The following CHST10 variants were observed in gnomAD, a reference collection of about 807,000 sequenced individuals.
The protein encoded by CHST10 is carbohydrate sulfotransferase 10, also known as HNK-1 sulfotransferase.
CHST10 carries 24 observed loss-of-function variants against 34.7 expected under a neutral mutation model. The ratio of observed to expected loss-of-function variants is 0.69; its 90% confidence interval spans 0.50 to 0.97. CHST10 has a LOEUF of 0.97. Among genes scored for constraint, CHST10 ranks in the 50% least tolerant of loss-of-function variants. The pLI is 0.00. For synonymous variants in CHST10, 161 were observed against 169.3 expected, an observed-to-expected ratio of 0.95 and a Z score of 0.38; for missense variants, 402 against 452.1, an observed-to-expected ratio of 0.89 and a Z score of 1.00.
chr2:100,417,287 C>G (rs1415315649), intron 1 of CHST10, 87 bp downstream of exon 1: 3 of 346,650 alleles, frequency 8.7e-6, no homozygotes, highest in Non-Finnish European at 1.1e-5. Flanking sequence ...ACAAAACCCG[C>G]GGGTTCCCCG....
intron 3 of CHST10, among the ~76,000 whole-genome samples, chr2:100,403,852 G>A (rs1236295066): frequency 1.3e-5 from 2 of 152,168 alleles, no homozygotes; most frequent in Non-Finnish European, 2.9e-5. Context: ...AGCCCTTTAT[G>A]GCCACGAGCT....
rs146315978 is a variant in CHST10 at position 100,406,319 on chromosome 2, C to T, written c.100+257G>A. ...GGAGACCCTGCTCCTTGCTCCTAGG[C>T]ACCACCCAGGCCTCAGCCACAAAGA... On this transcript the variant is annotated intron_variant, in intron 3 of 6. Coordinates refer to ENST00000264249, the MANE Select transcript of CHST10 (RefSeq NM_004854.5). Among the ~76,000 whole-genome samples, 563 of 152,318 alleles carry T rather than the reference C, an allele frequency of 3.7e-3. 3 individuals are homozygous for T. The highest frequency in any genetic ancestry group is 7.2e-3 in the South Asian group (35 of 4,828).
Position 100,393,258 on chromosome 2 carries a change from A to C in CHST10, c.1058T>G (p.Phe353Cys). The C allele has an allele frequency of 6.2e-7, 1 of 1,613,998 alleles. No homozygotes were observed. The highest frequency in any genetic ancestry group is 8.5e-7 in the Non-Finnish European group (1 of 1,179,992). ...AGGTCTTATGCATTAGTTTAGCAAA[A>C]AGTCTGGTTTCTGGTACCCAAAGAG... ...FKLFGYQKPD[F>C]LLN Residue 353 changes from phenylalanine to cysteine, a missense_variant, in exon 7 of 7, where the codon TTT becomes TGT. Phe to Cys is a radical substitution (Grantham distance 205, BLOSUM62 -2). Transcript: ENST00000264249.
intron 3 of CHST10, among the ~76,000 whole-genome samples, chr2:100,404,595 A>G (rs1328904122): frequency 6.6e-6 from 1 of 152,200 alleles, no homozygotes; most frequent in Non-Finnish European, 1.5e-5. Context: ...CTTAGCTTCC[A>G]GGATCAGTGT....
intron 5 of CHST10, 64 bp from the exon 6 acceptor site, chr2:100,395,678 G>T: frequency 7.9e-7 from 1 of 1,268,082 alleles, no homozygotes; most frequent in Non-Finnish European, 1.1e-6. Context: ...AGAAGGGCAT[G>T]TCCTTACCTC....
intron 2 of CHST10, among the ~76,000 whole-genome samples, chr2:100,412,354 A>C (rs1285482917): frequency 6.6e-6 from 1 of 152,196 alleles, no homozygotes; most frequent in Non-Finnish European, 1.5e-5. Context: ...TGCCCAGCTA[A>C]GCATGGTGTC....
rs3748930 is a variant in CHST10, at chr2:100,393,620, G to C, written c.696C>G (p.Thr232=). The part of the protein sequence containing the change: ...IRKYRRNRTE[T]RGIQFEDFVR... ...CGAAATCTTCAAACTGGATCCCCCG[G>C]GTCTCTGTCCGGTTCCTCCTGTATT... is the stretch of plus-strand genomic sequence containing the variant. The change falls in exon 7 of 7, where the codon ACC becomes ACG. Residue 232 remains threonine (T), a synonymous_variant. Coordinates refer to ENST00000264249, the MANE Select transcript of CHST10 (RefSeq NM_004854.5). The C allele has an allele frequency of 0.52, 834,076 of 1,613,724 alleles. 219,313 individuals carry two copies. The highest frequency in any genetic ancestry group is 0.79 in the East Asian group (35,424 of 44,868).
chr2:100,414,569 T>A (rs552108052), intron 2 of CHST10, among the ~76,000 whole-genome samples: 2 of 152,346 alleles, frequency 1.3e-5, no homozygotes, highest in East Asian at 3.9e-4. Context: ...GTGTGGCATA[T>A]GAATTTATAC....
At chr2:100,407,457 G>A (rs1188456551) in intron 2 of CHST10, among the ~76,000 whole-genome samples, 1 of 152,164 alleles carries the variant, frequency 6.6e-6, no homozygotes, top group Admixed American at 6.5e-5. Context: ...CTTTAACACA[G>A]TGCTTCTTCA....
chr2:100,403,962 C>T (rs2104356788), intron 3 of CHST10, among the ~76,000 whole-genome samples: 1 of 152,334 alleles, frequency 6.6e-6, no homozygotes, highest in Middle Eastern at 3.4e-3. Flanking sequence ...CTACACCACC[C>T]CAGCCCAGGG....
Position 100,393,041 on chromosome 2 carries a change from G to A in CHST10, c.*204C>T. ...CCTAATGCACGCAGGGGTGTGGGCA[G>A]GGTCCTCAGAGCATCTTACATCCAA... is the stretch of plus-strand genomic sequence containing the variant. On this transcript the variant is annotated 3_prime_UTR_variant, in exon 7 of 7. Coordinates refer to ENST00000264249, the MANE Select transcript of CHST10 (RefSeq NM_004854.5). The A allele has an allele frequency of 3.3e-6, 2 of 603,686 alleles. No individual in the cohort carries two copies. Among genetic ancestry groups the A allele is most frequent in the Non-Finnish European group, 5.8e-6 (2 of 342,426 alleles). 37.4% of individuals were successfully genotyped at this position (603,686 alleles called of 1,614,324 possible).
rs150069978 is a variant in CHST10 at position 100,406,648 on chromosome 2, C to T, written c.28G>A (p.Ala10Thr). Residue 10 changes from alanine to threonine, a missense_variant, in exon 3 of 7, where the codon GCA (alanine) becomes ACA (threonine). Transcript: ENST00000264249. ...AACATGAAAATCACCCAAAAGCATGCGGCCAGCAGAAGCCACTGGTGGTGC... is the reference window on the plus strand; with the variant it reads ...AACATGAAAATCACCCAAAAGCATGTGGCCAGCAGAAGCCACTGGTGGTGC... The part of the protein sequence containing the change: MHHQWLLLA[A>T]CFWVIFMFMV... The T allele has an allele frequency of 6.7e-4, 1,088 of 1,614,100 alleles. 7 individuals carry two copies. The African/African-American group carries it at 0.012, about 18-fold the overall frequency.
chr2:100,405,665 G>A (rs1465123903), intron 3 of CHST10, among the ~76,000 whole-genome samples: 2 of 152,202 alleles, frequency 1.3e-5, no homozygotes, highest in Non-Finnish European at 2.9e-5. Context: ...CCATCGGCAG[G>A]AGGACAAAGT....
chr2:100,409,215 A>G (rs1675713659), intron 2 of CHST10, among the ~76,000 whole-genome samples: 1 of 152,082 alleles, frequency 6.6e-6, no homozygotes, highest in South Asian at 2.1e-4. Flanking sequence ...AGGTTTTTAT[A>G]GTTTAAGAAT....
intron 2 of CHST10, among the ~76,000 whole-genome samples, chr2:100,410,430 T>C (rs1305412081): frequency 6.6e-6 from 1 of 152,250 alleles, no homozygotes; most frequent in African/African-American, 2.4e-5. Context: ...TATGGGCTCA[T>C]GCTGGTCAGG....
chr2:100,406,552 C>T (rs764622976), intron 3 of CHST10, 24 bp downstream of exon 3: 26 of 1,612,818 alleles, frequency 1.6e-5, no homozygotes, highest in South Asian at 1.4e-4. Flanking sequence ...AGCCAAAATT[C>T]GTTCCACCAT....
chr2:100,414,153 T>C (rs573468974), intron 2 of CHST10, among the ~76,000 whole-genome samples: 1 of 152,280 alleles, frequency 6.6e-6, no homozygotes, highest in East Asian at 1.9e-4. Context: ...TGCAGACCCC[T>C]GGGCAAAGAC....
Position 100,393,128 on chromosome 2 carries a change from G to T in CHST10, c.*117C>A. On this transcript the variant is annotated 3_prime_UTR_variant, in exon 7 of 7. Coordinates refer to ENST00000264249, the MANE Select transcript of CHST10 (RefSeq NM_004854.5). ...CGAGGCAACTCACAGGCCTGTGGGA[G>T]ACCCCGGGCGTCCTCAAAGGAGGGG... 9.2e-7 allele frequency: 1 copy of T among 1,091,752 alleles called. No individual in the cohort carries two copies. The highest frequency in any genetic ancestry group is 1.3e-6 in the Non-Finnish European group (1 of 750,132). 67.6% of individuals were successfully genotyped at this position (1,091,752 alleles called of 1,614,324 possible).
At chr2:100,403,575 G>A (rs1470203678) in intron 3 of CHST10, among the ~76,000 whole-genome samples, 2 of 152,328 alleles carry the variant, frequency 1.3e-5, no homozygotes, top group South Asian at 4.1e-4. Context: ...AGTGGCAGGA[G>A]AAACCGGGAA....
Sources: gnomAD v4.1 joint callset for allele counts (sites outside exome capture counted in the v4.1 genomes callset) on GRCh38, gnomAD v4.1.1 for gene constraint, MANE v1.5 for transcripts, NCBI Gene and HGNC (gene_info 2026-07-23, HGNC 2026-07-21) for gene names.